Variants in NHERF2 observed in about 807,000 individuals in gnomAD.
NHERF2 encodes Na(+)/H(+) exchange regulatory cofactor NHE-RF2.
the NHERF2 span, among the ~76,000 whole-genome samples, chr16:2,030,592 G>A: frequency 6.6e-6 from 1 of 151,608 alleles, no homozygotes; most frequent in Non-Finnish European, 1.5e-5. Flanking sequence ...AGGCCCTGAT[G>A]GCATTATCTC....
chr16:2,034,007 G>A, the NHERF2 span, among the ~76,000 whole-genome samples: 2 of 152,180 alleles, frequency 1.3e-5, no homozygotes, highest in South Asian at 4.1e-4. Flanking sequence ...GAGGCAGAGG[G>A]GTGGCCAGAA....
chr16:2,036,872 C>CACG, the NHERF2 span: 1 of 1,609,918 alleles, frequency 6.2e-7, no homozygotes, highest in Non-Finnish European at 8.5e-7. Context: ...CACCGAGGAG[C>CACG]ACGTGGAAGG....
At chr16:2,027,132 T>TC in the NHERF2 span, 1 of 1,471,752 alleles carries the variant, frequency 6.8e-7, no homozygotes, top group Non-Finnish European at 9.0e-7. Flanking sequence ...GGAACCCGGT[T>TC]CCCCCGCCGA....
At chr16:2,027,159 G>T in the NHERF2 span, 3 of 1,475,156 alleles carry the variant, frequency 2.0e-6, no homozygotes, top group Non-Finnish European at 8.9e-7. Context: ...CGCGCTGCGC[G>T]CTGGGGACCG....
the NHERF2 span, among the ~76,000 whole-genome samples, chr16:2,029,057 G>T: frequency 6.6e-6 from 1 of 152,200 alleles, no homozygotes; most frequent in Non-Finnish European, 1.5e-5. Context: ...ATAAGGCCTA[G>T]GGTCAGGAGT....
the NHERF2 span, among the ~76,000 whole-genome samples, chr16:2,027,910 C>G: frequency 6.6e-6 from 1 of 152,194 alleles, no homozygotes; most frequent in African/African-American, 2.4e-5. Context: ...TTGCTGGCAA[C>G]CACATTCCTT....
chr16:2,037,342 G>A, the NHERF2 span, among the ~76,000 whole-genome samples: 3 of 152,104 alleles, frequency 2.0e-5, no homozygotes, highest in Non-Finnish European at 4.4e-5. Context: ...TCTGCACCAT[G>A]AGCCGGCCAG....
the NHERF2 span, among the ~76,000 whole-genome samples, chr16:2,034,849 G>A: frequency 3.3e-5 from 5 of 152,262 alleles, no homozygotes; most frequent in South Asian, 2.1e-4. Flanking sequence ...CCTGGGGGCC[G>A]TGCTGTGACT....
At chr16:2,032,393 G>A in the NHERF2 span, among the ~76,000 whole-genome samples, 7 of 152,356 alleles carry the variant, frequency 4.6e-5, no homozygotes, top group East Asian at 1.4e-3. This position sits in a 1 kb window ranked among gnomAD's most constrained non-coding sequence, Gnocchi z 4.0. Context: ...CCTCCACAGA[G>A]CAGGCTCAGA....
chr16:2,034,805 C>G, the NHERF2 span, among the ~76,000 whole-genome samples: 1 of 150,624 alleles, frequency 6.6e-6, no homozygotes, highest in Non-Finnish European at 1.5e-5. Context: ...GAACTGGACT[C>G]CTGTCCCCAC....
At chr16:2,031,598 G>A in the NHERF2 span, among the ~76,000 whole-genome samples, 2 of 152,240 alleles carry the variant, frequency 1.3e-5, no homozygotes, top group East Asian at 1.9e-4. Flanking sequence ...TCCTCTGGGT[G>A]TATTTTTAGA....
the NHERF2 span, chr16:2,036,683 GC>G: frequency 6.2e-7 from 1 of 1,600,528 alleles, no homozygotes; most frequent in Non-Finnish European, 8.5e-7. Context: ...GGCGTTGGGG[GC>G]TGTCTGGGCC....
chr16:2,036,804 G>A, the NHERF2 span: 246 of 1,613,266 alleles, frequency 1.5e-4, 1 homozygote, highest in Admixed American at 4.5e-4. Context: ...GACGAGGCCC[G>A]GCTGCTGGTC....
At chr16:2,035,074 C>T in the NHERF2 span, among the ~76,000 whole-genome samples, 37 of 152,122 alleles carry the variant, frequency 2.4e-4, no homozygotes, top group Admixed American at 8.5e-4. Flanking sequence ...TCTGGTGTGA[C>T]GGGCTGGGTG....
the NHERF2 span, chr16:2,036,425 C>G: frequency 6.2e-7 from 1 of 1,607,272 alleles, no homozygotes; most frequent in South Asian, 1.1e-5. Context: ...AGTCCCGGCC[C>G]GGCCAGTACA....
chr16:2,036,289 G>A, the NHERF2 span: 2 of 1,567,894 alleles, frequency 1.3e-6, no homozygotes, highest in Admixed American at 1.8e-5. Context: ...CGGGAGGCTG[G>A]AGCAAGAGAC....
chr16:2,029,619 G>A, the NHERF2 span: 18 of 1,578,980 alleles, frequency 1.1e-5, no homozygotes, highest in Middle Eastern at 1.7e-4. Context: ...GGGCAGACTC[G>A]GCTGCTGGTG....
the NHERF2 span, among the ~76,000 whole-genome samples, chr16:2,031,144 G>C: frequency 1.3e-5 from 2 of 152,170 alleles, no homozygotes; most frequent in Non-Finnish European, 2.9e-5. Context: ...AGCCCGGGGG[G>C]AGCGGCTTGG....
At chr16:2,028,268 C>G in the NHERF2 span, among the ~76,000 whole-genome samples, 9 of 152,252 alleles carry the variant, frequency 5.9e-5, no homozygotes, top group African/African-American at 1.4e-4. Context: ...TCGGCCGGCC[C>G]CATGCCTTCC....
Sources: allele counts gnomAD v4.1 joint callset (sites outside exome capture counted in the v4.1 genomes callset), GRCh38; gene constraint gnomAD v4.1.1; non-coding constraint Gnocchi (gnomAD v3.1); transcripts MANE v1.5; gene names NCBI Gene and HGNC (gene_info 2026-07-23, HGNC 2026-07-21).